The following SHISA6 variants were observed in gnomAD, a reference collection of about 807,000 sequenced individuals.
SHISA6 encodes shisa family member 6.
A neutral mutation model predicts 47.9 loss-of-function variants in SHISA6; 22 were observed. The observed-to-expected ratio is 0.46, with a 90% CI of 0.33 to 0.66. The LOEUF (loss-of-function observed/expected upper bound fraction) is 0.66. Ranked by LOEUF, SHISA6 falls within the 30% of genes least tolerant of loss-of-function variation. The probability of loss-of-function intolerance (pLI) is 0.02; values close to 1 mark genes in which losing one functional copy is unlikely to be tolerated. For synonymous variants in SHISA6, 388 were observed against 337.8 expected (o/e 1.15, Z -1.63); for missense variants, 680 against 764.6 (o/e 0.89, Z 1.30).
In SHISA6 at chr17:11,558,678, C is replaced by T; in HGVS notation, c.*374C>T. 1 of 288,922 alleles carries T rather than the reference C, an allele frequency of 3.5e-6. No individual in the cohort carries two copies. Among genetic ancestry groups the T allele is most frequent in the Non-Finnish European group, 6.6e-6 (1 of 151,056 alleles). 17.9% of individuals were successfully genotyped at this position (288,922 alleles called of 1,614,324 possible). A position where few individuals can be genotyped will look rare whatever the true frequency, so the allele number is the denominator to read the frequency against. ...TGTCAGCAGAGAGACCCTTGCTTGA[C>T]TGTGGTCTGAAGCTGCCTGGGTTTG... On this transcript the variant is annotated 3_prime_UTR_variant, in exon 6 of 6. Coordinates refer to ENST00000441885, the MANE Select transcript of SHISA6 (RefSeq NM_207386.4).
At chr17:11,374,829 A>G (rs949842135) in intron 2 of SHISA6, among the ~76,000 whole-genome samples, 1 of 151,888 alleles carries the variant, frequency 6.6e-6, no homozygotes, top group African/African-American at 2.4e-5. Flanking sequence ...TTCATATTAT[A>G]TATAACACAT....
intron 2 of SHISA6, among the ~76,000 whole-genome samples, chr17:11,373,351 C>T (rs1912689017): frequency 6.6e-6 from 1 of 151,912 alleles, no homozygotes; most frequent in South Asian, 2.1e-4. Flanking sequence ...TCAGTCTATC[C>T]ATCTGTCTAT....
At chr17:11,556,003 T>C (rs2071975663) in intron 5 of SHISA6, 111 bp downstream of exon 5, 1 of 1,300,006 alleles carries the variant, frequency 7.7e-7, no homozygotes, top group African/African-American at 1.5e-5. Flanking sequence ...ATCCCAAGAA[T>C]AAAGAAGGAG....
At chr17:11,390,419 G>A (rs1293467091) in intron 3 of SHISA6, among the ~76,000 whole-genome samples, 2 of 152,166 alleles carry the variant, frequency 1.3e-5, no homozygotes, top group African/African-American at 2.4e-5. Flanking sequence ...TAAGAGCGCT[G>A]TAGAATCTTA....
At chr17:11,467,296 G>C (rs1026104966) in intron 3 of SHISA6, among the ~76,000 whole-genome samples, 7 of 152,164 alleles carry the variant, frequency 4.6e-5, no homozygotes, top group Non-Finnish European at 1.0e-4. Flanking sequence ...CCATCTGAGA[G>C]ATAGTTCGTG....
intron 2 of SHISA6, among the ~76,000 whole-genome samples, chr17:11,376,398 A>G (rs1277525466): frequency 2.7e-5 from 4 of 149,442 alleles, no homozygotes; most frequent in African/African-American, 7.4e-5. Flanking sequence ...GCTCACTGCA[A>G]CCTCCACCTC....
intron 2 of SHISA6, among the ~76,000 whole-genome samples, chr17:11,368,860 T>C (rs1912535879): frequency 6.6e-6 from 1 of 152,196 alleles, no homozygotes; most frequent in African/African-American, 2.4e-5. Flanking sequence ...TTTCACTATG[T>C]TGGTCAGGCT....
intron 1 of SHISA6, among the ~76,000 whole-genome samples, chr17:11,255,804 C>T (rs1907984683): frequency 6.6e-6 from 1 of 152,216 alleles, no homozygotes; most frequent in Non-Finnish European, 1.5e-5. Flanking sequence ...CTCTCCTCTT[C>T]TGCCTATGCT....
chr17:11,306,866 C>G (rs928623333), intron 2 of SHISA6, among the ~76,000 whole-genome samples: 2 of 152,180 alleles, frequency 1.3e-5, no homozygotes, highest in Non-Finnish European at 2.9e-5. Flanking sequence ...TCCTTTATTT[C>G]CATGGTGACT....
chr17:11,362,458 C>A (rs202039858), intron 2 of SHISA6, among the ~76,000 whole-genome samples: 1 of 152,198 alleles, frequency 6.6e-6, no homozygotes, highest in African/African-American at 2.4e-5. Context: ...TTCTTTTGAA[C>A]GTAATCTCTG....
chr17:11,291,883 A>G (rs1909559522), intron 2 of SHISA6, among the ~76,000 whole-genome samples: 1 of 152,130 alleles, frequency 6.6e-6, no homozygotes, highest in Non-Finnish European at 1.5e-5. Flanking sequence ...CGAGGTCCTC[A>G]TTTTAAAACT....
intron 2 of SHISA6, among the ~76,000 whole-genome samples, chr17:11,362,833 T>C (rs1271915317): frequency 6.6e-6 from 1 of 152,198 alleles, no homozygotes; most frequent in African/African-American, 2.4e-5. Flanking sequence ...ACCCAGAGAT[T>C]TATCACACGT....
At chr17:11,522,153 G>T (rs868855579) in intron 3 of SHISA6, among the ~76,000 whole-genome samples, 4 of 151,824 alleles carry the variant, frequency 2.6e-5, no homozygotes, top group African/African-American at 9.7e-5. Flanking sequence ...TTTTAGTAGA[G>T]ACGGGGTTTC....
intron 3 of SHISA6, among the ~76,000 whole-genome samples, chr17:11,392,239 C>A: frequency 6.6e-6 from 1 of 151,916 alleles, no homozygotes; most frequent in East Asian, 1.9e-4. Flanking sequence ...TCACTAAGAG[C>A]AGTTGAACGC....
Position 11,448,527 on chromosome 17 carries a change from G to T in SHISA6, c.895+69018G>T, listed in dbSNP as rs569674422. Among the ~76,000 whole-genome samples, 49 of 151,758 alleles carry T rather than the reference G, an allele frequency of 3.2e-4. 2 individuals carry two copies. In the South Asian group the frequency reaches 0.01, roughly 32 times the overall value. On this transcript the variant is annotated intron_variant, in intron 3 of 5. Transcript: ENST00000441885. ...AGCCTGAGTGACAGAGTAACACCCTGCCTCTGAAAAAAGAAAATAGGCTGG... is the reference window on the plus strand; with the variant it reads ...AGCCTGAGTGACAGAGTAACACCCTTCCTCTGAAAAAAGAAAATAGGCTGG...
intron 2 of SHISA6, among the ~76,000 whole-genome samples, chr17:11,325,914 G>A (rs1405812443): frequency 6.6e-6 from 1 of 152,160 alleles, no homozygotes; most frequent in Non-Finnish European, 1.5e-5. Context: ...TGTCTAATAT[G>A]CTCCTCCTTG....
intron 3 of SHISA6, among the ~76,000 whole-genome samples, chr17:11,448,845 C>T (rs1201546236): frequency 6.6e-6 from 1 of 152,036 alleles, no homozygotes; most frequent in Non-Finnish European, 1.5e-5. Context: ...AAAAAATCAT[C>T]TTGTCTCTTC....
chr17:11,549,571 C>G (rs1051733859), intron 3 of SHISA6, among the ~76,000 whole-genome samples: 1 of 152,060 alleles, frequency 6.6e-6, no homozygotes, highest in Non-Finnish European at 1.5e-5. Flanking sequence ...TTTTAAAATG[C>G]CTATGAAAGT....
chr17:11,490,956 C>T (rs1002003557), intron 3 of SHISA6, among the ~76,000 whole-genome samples: 4 of 152,162 alleles, frequency 2.6e-5, no homozygotes, highest in Non-Finnish European at 4.4e-5. Context: ...AGGGCAAGCA[C>T]AGATCTAGGA....
Sources: gnomAD v4.1 joint callset for allele counts (sites outside exome capture counted in the v4.1 genomes callset) on GRCh38, gnomAD v4.1.1 for gene constraint, MANE v1.5 for transcripts, NCBI Gene and HGNC (gene_info 2026-07-23, HGNC 2026-07-21) for gene names.